The following EXOSC8 variants were observed in gnomAD, a reference collection of about 807,000 sequenced individuals.
The protein encoded by EXOSC8 is exosome complex component RRP43.
EXOSC8 carries 37 observed loss-of-function variants against 39.9 expected under a neutral mutation model. The ratio of observed to expected loss-of-function variants is 0.93; its 90% CI spans 0.71 to 1.22. EXOSC8 has a LOEUF of 1.22. Ranked by LOEUF, EXOSC8 falls within the 50% of genes most tolerant of loss-of-function variation. The probability of loss-of-function intolerance (pLI) is 0.00; values close to 1 mark genes in which losing one functional copy is unlikely to be tolerated. For missense variants in EXOSC8, 313 were observed against 326.6 expected (o/e 0.96, Z 0.32); for synonymous variants, 93 against 109.5 (o/e 0.85, Z 0.94).
chr13:37,002,061 T>C (rs1412998874), intron 1 of EXOSC8, among the ~76,000 whole-genome samples: 1 of 152,224 alleles, frequency 6.6e-6, no homozygotes, highest in Non-Finnish European at 1.5e-5. Flanking sequence ...AAAGGGCTTT[T>C]AGACGCCAAT....
In EXOSC8 at chr13:37,009,187, G is replaced by C. The variant is rs1275025453; in HGVS notation, c.719G>C (p.Gly240Ala). ...TATTGGCAAAATAATTTTTCAGGTG[G>C]AAGTGGGCTAACTGGAGCTAAACTT... is the stretch of plus-strand genomic sequence containing the variant. ...GKLCCLHKPG[G>A]SGLTGAKLQD... The change falls in exon 11 of 11, where the codon GGA (glycine) becomes GCA (alanine). Residue 240 changes from glycine to alanine, a missense_variant. By Grantham distance (60) the Gly-to-Ala change is moderately conservative. Coordinates refer to ENST00000389704, the MANE Select transcript of EXOSC8 (RefSeq NM_181503.3). The C allele has an allele frequency of 6.2e-7, 1 of 1,600,542 alleles. No individual in the cohort carries two copies. The highest frequency in any genetic ancestry group is 1.7e-5 in the Admixed American group (1 of 57,510).
intron 9 of EXOSC8, 95 bp downstream of exon 9, chr13:37,008,272 C>T: frequency 1.0e-6 from 1 of 1,004,174 alleles, no homozygotes; most frequent in Non-Finnish European, 1.5e-6. Context: ...CTATGGTGAC[C>T]CTACATCCTA....
Position 37,005,962 on chromosome 13 carries a change from G to A in EXOSC8, c.281G>A (p.Arg94Gln), listed in dbSNP as rs760488948. Residue 94 changes from arginine to glutamine, a missense_variant, in exon 6 of 11, where the codon CGG becomes CAG. Transcript: ENST00000389704. ...DLPPLCSSRF[R>Q]SGPPGEEAQV... ...CCACCCCTGTGTTCATCGAGATTCC[G>A]GTCTGGACCTCCTGGAGAAGAGGCC... is the stretch of plus-strand genomic sequence containing the variant. 18 of 1,612,012 alleles carry A rather than the reference G, an allele frequency of 1.1e-5. No homozygotes were observed. The highest frequency in any genetic ancestry group is 1.1e-4 in the South Asian group (10 of 91,024).
intron 1 of EXOSC8, 86 bp downstream of exon 1, chr13:37,000,908 G>C (rs1265059513): frequency 7.1e-7 from 1 of 1,409,256 alleles, no homozygotes; most frequent in African/African-American, 1.5e-5. Context: ...CTCTCACCTG[G>C]AGGCCGACCC....
At position 37,004,569 on chromosome 13, in the gene EXOSC8, A is replaced by G; in HGVS notation, c.238+8A>G. ...CTGATAAAGGATACGTTGGTAAGTT[A>G]AATGGTTTTGTAATTTTAATACAAA... On this transcript the variant is annotated splice_region_variant and intron_variant, in intron 5 of 10. Transcript: ENST00000389704. The G allele has an allele frequency of 6.3e-7, 1 of 1,582,488 alleles. No homozygotes were observed. The highest frequency in any genetic ancestry group is 8.7e-7 in the Non-Finnish European group (1 of 1,153,386).
In EXOSC8 at chr13:37,008,119, A is replaced by G; in HGVS notation, c.550A>G (p.Lys184Glu). 6.3e-7 allele frequency: 1 copy of G among 1,598,892 alleles called. No individual in the cohort carries two copies. ...TALAEVNLKK[K>E]SYLNIRTHPV... ...TTTAGCAGAAGTTAATTTAAAGAAGAAAAGTTATTTGAATATTAGAACTCA... is the reference window on the plus strand; with the variant it reads ...TTTAGCAGAAGTTAATTTAAAGAAGGAAAGTTATTTGAATATTAGAACTCA... The change falls in exon 9 of 11, where the codon AAA (lysine) becomes GAA (glutamate). Residue 184 changes from lysine to glutamate, a missense_variant. Transcript: ENST00000389704.
intron 4 of EXOSC8, chr13:37,003,953 G>C (rs7982674): frequency 0.91 from 137,564 of 151,628 alleles, 62,514 homozygotes; most frequent in East Asian, 1. Flanking sequence ...CTCACTGCAA[G>C]TTCCGTCTCC....
chr13:37,004,417 A>G (rs1266807004), intron 4 of EXOSC8, 99 bp from the exon 5 acceptor site: 3 of 794,380 alleles, frequency 3.8e-6, no homozygotes, highest in African/African-American at 1.7e-5. Context: ...CAATTCCCTA[A>G]GCTGATATTT....
intron 8 of EXOSC8, among the ~76,000 whole-genome samples, chr13:37,007,389 T>G (rs972782461): frequency 1.3e-5 from 2 of 152,180 alleles, no homozygotes; most frequent in African/African-American, 2.4e-5. Context: ...CATAGTTCTT[T>G]ATGTGATATT....
intron 1 of EXOSC8, 47 bp downstream of exon 1, chr13:37,000,869 G>C: frequency 6.8e-7 from 1 of 1,465,366 alleles, no homozygotes; most frequent in Non-Finnish European, 9.1e-7. Flanking sequence ...CTGGCGGACG[G>C]CAGCTTCCTT....
At position 37,009,597 on chromosome 13, in the gene EXOSC8, CA is replaced by C. The variant is rs1340786387; in HGVS notation, c.*303del. On this transcript the variant is annotated 3_prime_UTR_variant, in exon 11 of 11. Coordinates refer to ENST00000389704, the MANE Select transcript of EXOSC8 (RefSeq NM_181503.3). ...TAAAATACTGACACATTAAAAAAAA[CA>C]AAAAGTAGAAACTCAATTCTTTTGA... The C allele has an allele frequency of 6.3e-7, 1 of 1,575,064 alleles. No individual in the cohort carries two copies. The highest frequency in any genetic ancestry group is 1.4e-5 in the African/African-American group (1 of 74,020).
In EXOSC8 at chr13:37,005,858, A is replaced by G. The variant is rs931564600; in HGVS notation, c.239-62A>G. The G allele has an allele frequency of 7.1e-5, 50 of 708,008 alleles. 1 individual carries two copies. The highest frequency in any genetic ancestry group is 2.9e-4 in the Middle Eastern group (1 of 3,502). The allele number at this position is 708,008 out of a possible 1,614,324, so 43.9% of individuals were successfully genotyped here. On this transcript the variant is annotated intron_variant, in intron 5 of 10. Coordinates refer to ENST00000389704, the MANE Select transcript of EXOSC8 (RefSeq NM_181503.3). The stretch of plus-strand genomic sequence containing the variant: ...CAGCCTGGCAACAGAGCAAGACTCC[A>G]TCTCAAAAAAAAAAAAAAAAAAAAA...
intron 3 of EXOSC8, 82 bp downstream of exon 3, chr13:37,002,633 ATTCT>A (rs2059114141): frequency 3.1e-6 from 3 of 972,400 alleles, no homozygotes; most frequent in Non-Finnish European, 4.7e-6. Flanking sequence ...TTTCACCCAA[ATTCT>A]TTGTCTAAAG....
chr13:37,003,198 T>A, intron 4 of EXOSC8, 191 bp downstream of exon 4: 2 of 499,090 alleles, frequency 4.0e-6, no homozygotes, highest in South Asian at 6.6e-5. Context: ...TGAACAATTG[T>A]CAAATGTAGC....
intron 1 of EXOSC8, chr13:37,001,715 A>G (rs2059106836): frequency 6.6e-6 from 1 of 152,330 alleles, no homozygotes; most frequent in Non-Finnish European, 1.5e-5. Flanking sequence ...CTGGGATTTC[A>G]AAGTAACGGT....
rs746063414 is a variant in EXOSC8, at chr13:37,008,071, G to A, written c.502G>A (p.Val168Ile). 8 of 1,595,334 alleles carry A rather than the reference G, an allele frequency of 5.0e-6. No individual in the cohort carries two copies. The African/African-American group carries it at 1.1e-4, about 22-fold the overall frequency. The part of the protein sequence containing the change: ...AALKNVQLPE[V>I]TINEETALAE... The stretch of plus-strand genomic sequence containing the variant: ...CCTTTTCTTAGTACAGTTGCCTGAA[G>A]TTACTATAAATGAAGAAACTGCTTT... The change falls in exon 9 of 11, where the codon GTT (valine) becomes ATT (isoleucine). Residue 168 changes from valine to isoleucine, a missense_variant. By Grantham distance (29) the Val-to-Ile change is conservative. Transcript: ENST00000389704.
rs1423138987 is a variant in EXOSC8 at position 37,009,562 on chromosome 13, T to C, written c.*263T>C. ...TGTGCTTCTGTATAAAGTTTGTACA[T>C]CTAGCAATGTAAAATACTGACACAT... On this transcript the variant is annotated 3_prime_UTR_variant, in exon 11 of 11. Coordinates refer to ENST00000389704, the MANE Select transcript of EXOSC8 (RefSeq NM_181503.3). The C allele has an allele frequency of 1.6e-6, 2 of 1,264,510 alleles. No individual in the cohort carries two copies. The highest frequency in any genetic ancestry group is 1.5e-5 in the African/African-American group (1 of 67,676). 78.3% of individuals were successfully genotyped at this position (1,264,510 alleles called of 1,614,324 possible).
rs2059211815 is a variant in EXOSC8, at chr13:37,009,436, ATATT to A, written c.*138_*141del. On this transcript the variant is annotated 3_prime_UTR_variant, in exon 11 of 11. Transcript: ENST00000389704. ...ATTATTTCTTAGGTCACTTCCATAT[ATATT>A]ATGTATAGTGAAACCATTTTTAAAA... The A allele has an allele frequency of 1.4e-6, 1 of 725,798 alleles. No homozygotes were observed. The highest frequency in any genetic ancestry group is 2.3e-6 in the Non-Finnish European group (1 of 437,348). 45.0% of individuals were successfully genotyped at this position (725,798 alleles called of 1,614,324 possible).
chr13:37,006,343 TA>T (rs926734039), intron 7 of EXOSC8, among the ~76,000 whole-genome samples, 183 bp downstream of exon 7: 2 of 152,158 alleles, frequency 1.3e-5, no homozygotes, highest in Non-Finnish European at 2.9e-5. Flanking sequence ...ATATTGTTTA[TA>T]AAAAAACAAG....
Sources: gnomAD v4.1 joint callset for allele counts (sites outside exome capture counted in the v4.1 genomes callset) on GRCh38, gnomAD v4.1.1 for gene constraint, MANE v1.5 for transcripts, NCBI Gene and HGNC (gene_info 2026-07-23, HGNC 2026-07-21) for gene names.